The following ATP5MK variants were observed in gnomAD, a reference collection of about 807,000 sequenced individuals.
ATP5MK encodes the protein ATP synthase membrane subunit k.
Under a neutral mutation model 6.6 loss-of-function variants are expected in ATP5MK, and 5 were observed. That is an observed-to-expected ratio of 0.76 (90% CI 0.40 to 1.60). The LOEUF is 1.60. ATP5MK is among the 40% of genes most tolerant of loss of function. The pLI is 0.02. For missense variants in ATP5MK, 57 were observed against 66.6 expected (o/e 0.86, Z 0.50); for synonymous variants, 30 against 24.5 (o/e 1.22, Z -0.66).
chr10:103,395,464 A>T (rs1356116946), intron 2 of ATP5MK, among the ~76,000 whole-genome samples: 1 of 151,468 alleles, frequency 6.6e-6, no homozygotes, highest in Non-Finnish European at 1.5e-5. Flanking sequence ...CGCCCGGCTA[A>T]TTTTTGTATT....
chr10:103,391,760 G>A (rs1046528337), intron 4 of ATP5MK, among the ~76,000 whole-genome samples: 3 of 151,940 alleles, frequency 2.0e-5, no homozygotes, highest in Admixed American at 6.6e-5. Flanking sequence ...CGCCTGCCTC[G>A]GCCTCCCATT....
intron 4 of ATP5MK, among the ~76,000 whole-genome samples, chr10:103,391,777 G>A (rs1340023717): frequency 1.3e-5 from 2 of 152,024 alleles, no homozygotes; most frequent in Non-Finnish European, 2.9e-5. Flanking sequence ...CATTGTGCTG[G>A]GATTACAGGC....
chr10:103,392,096 C>A, intron 4 of ATP5MK, 95 bp downstream of exon 4: 1 of 1,195,272 alleles, frequency 8.4e-7, no homozygotes, highest in South Asian at 1.5e-5. Context: ...ATAAATTTTG[C>A]AAAATGACAA....
chr10:103,395,857 TC>T lies in ATP5MK; in HGVS notation c.-122del, dbSNP rs1230176282. 6.6e-6 allele frequency: 1 copy of T among 152,152 alleles called. No individual in the cohort carries two copies. The highest frequency in any genetic ancestry group is 1.5e-5 in the Non-Finnish European group (1 of 67,996). 9.4% of individuals were successfully genotyped at this position (152,152 alleles called of 1,614,324 possible). A position where few individuals can be genotyped will look rare whatever the true frequency, so the allele number is the denominator to read the frequency against. On this transcript the variant is annotated 5_prime_UTR_variant, in exon 2 of 5. Transcript: ENST00000369815. ...TTTACAGCTCTCTGTTCTGGTTACC[TC>T]CTAGGAAAGGCCTTCCCACTGATCG... is the stretch of plus-strand genomic sequence containing the variant.
intron 2 of ATP5MK, among the ~76,000 whole-genome samples, 171 bp downstream of exon 2, chr10:103,395,575 G>A (rs1308029502): frequency 1.3e-5 from 2 of 152,220 alleles, no homozygotes; most frequent in African/African-American, 4.8e-5. Flanking sequence ...TGGGATTACA[G>A]GCGTGAGCCA....
At chr10:103,391,931 T>A (rs966818679) in intron 4 of ATP5MK, among the ~76,000 whole-genome samples, 7 of 152,062 alleles carry the variant, frequency 4.6e-5, no homozygotes, top group Admixed American at 1.3e-4. Flanking sequence ...CTGGCTAATT[T>A]TTGTTTTTTG....
chr10:103,390,634 C>T (rs1384559010), intron 4 of ATP5MK, among the ~76,000 whole-genome samples: 1 of 151,750 alleles, frequency 6.6e-6, no homozygotes, highest in Non-Finnish European at 1.5e-5. Context: ...ACTAAAAATA[C>T]AAAAAAATTA....
At chr10:103,390,701 G>C (rs1043323008) in intron 4 of ATP5MK, among the ~76,000 whole-genome samples, 1 of 151,872 alleles carries the variant, frequency 6.6e-6, no homozygotes, top group African/African-American at 2.4e-5. Context: ...TGAGGCAGGA[G>C]AATTGTTTGA....
At chr10:103,390,284 G>A (rs2093410362) in intron 4 of ATP5MK, among the ~76,000 whole-genome samples, 2 of 152,024 alleles carry the variant, frequency 1.3e-5, no homozygotes, top group Admixed American at 6.5e-5. Context: ...TTGAGCCCAG[G>A]AGTTTGAGAG....
At chr10:103,391,413 A>G (rs1592100028) in intron 4 of ATP5MK, among the ~76,000 whole-genome samples, 2 of 152,284 alleles carry the variant, frequency 1.3e-5, no homozygotes, top group East Asian at 1.9e-4. Context: ...TATATTTGGT[A>G]TAAGACAAAA....
intron 2 of ATP5MK, among the ~76,000 whole-genome samples, chr10:103,393,342 G>T (rs2093420002): frequency 2.6e-5 from 4 of 152,120 alleles, no homozygotes; most frequent in African/African-American, 7.2e-5. Context: ...AGCACTTTGG[G>T]AGGCCAAGGC....
chr10:103,391,967 C>T (rs1292528573), intron 4 of ATP5MK, among the ~76,000 whole-genome samples: 1 of 152,104 alleles, frequency 6.6e-6, no homozygotes, highest in Non-Finnish European at 1.5e-5. Flanking sequence ...CATCATGTTG[C>T]CCAGGCTGGT....
At chr10:103,395,243 G>T (rs573831295) in intron 2 of ATP5MK, among the ~76,000 whole-genome samples, 1 of 152,306 alleles carries the variant, frequency 6.6e-6, no homozygotes, top group East Asian at 1.9e-4. Flanking sequence ...AGTGCCCTTT[G>T]TAAGACTCCT....
At chr10:103,392,134 G>C in intron 4 of ATP5MK, 57 bp downstream of exon 4, 1 of 1,476,706 alleles carries the variant, frequency 6.8e-7, no homozygotes, top group Non-Finnish European at 9.3e-7. Context: ...AAATGTTAGG[G>C]AAAAATCCTA....
chr10:103,390,546 T>C (rs2093411330), intron 4 of ATP5MK, among the ~76,000 whole-genome samples: 1 of 151,838 alleles, frequency 6.6e-6, no homozygotes, highest in Non-Finnish European at 1.5e-5. Context: ...CCCAACACTT[T>C]GGGAAGCCAA....
intron 2 of ATP5MK, among the ~76,000 whole-genome samples, chr10:103,395,336 C>T (rs888894084): frequency 3.3e-5 from 5 of 152,212 alleles, no homozygotes; most frequent in Admixed American, 6.5e-5. Context: ...CTCGCTCTGT[C>T]GTCCAGGCTG....
intron 2 of ATP5MK, among the ~76,000 whole-genome samples, chr10:103,395,507 A>G (rs968829498): frequency 1.3e-5 from 2 of 152,156 alleles, no homozygotes; most frequent in Non-Finnish European, 2.9e-5. Flanking sequence ...CATACTACTC[A>G]GGCTGGTCTC....
intron 4 of ATP5MK, among the ~76,000 whole-genome samples, chr10:103,391,293 G>A (rs995217719): frequency 1.3e-5 from 2 of 152,182 alleles, no homozygotes; most frequent in African/African-American, 4.8e-5. Flanking sequence ...TATAGACAAG[G>A]CTTCATGCTC....
At chr10:103,394,209 T>A (rs1441459144) in intron 2 of ATP5MK, 1 of 502,638 alleles carries the variant, frequency 2.0e-6, no homozygotes, top group Admixed American at 2.0e-5. Flanking sequence ...CTGTGTATTT[T>A]ACAAAGGCAT....
Sources: allele counts gnomAD v4.1 joint callset (sites outside exome capture counted in the v4.1 genomes callset), GRCh38; gene constraint gnomAD v4.1.1; transcripts MANE v1.5; gene names NCBI Gene and HGNC (gene_info 2026-07-23, HGNC 2026-07-21).